PLXDC2: variants seen among roughly 807,000 people sequenced by gnomAD.
The protein encoded by PLXDC2 is plexin domain-containing protein 2.
Under a neutral mutation model 68.9 loss-of-function variants are expected in PLXDC2, and 40 were observed. That is an observed-to-expected ratio of 0.58 (90% CI 0.45 to 0.76). The LOEUF is 0.76. Ranked by LOEUF, PLXDC2 falls within the 30% of genes least tolerant of loss-of-function variation. The pLI is 0.00. For missense variants in PLXDC2, 644 were observed against 661.9 expected (o/e 0.97, Z 0.30); for synonymous variants, 243 against 234.2 (o/e 1.04, Z -0.34).
intron 4 of PLXDC2, among the ~76,000 whole-genome samples, chr10:20,089,943 C>G (rs1239412766): frequency 6.6e-6 from 1 of 152,080 alleles, no homozygotes; most frequent in African/African-American, 2.4e-5. Context: ...GGTTCAAGTC[C>G]TTTTTTTCAG....
chr10:20,218,314 G>A (rs1835166843), intron 11 of PLXDC2, among the ~76,000 whole-genome samples: 1 of 125,486 alleles, frequency 8.0e-6, no homozygotes, highest in African/African-American at 2.5e-5. Context: ...ACTTTCTTTG[G>A]CTTGAATAAA....
At chr10:20,254,618 AT>A (rs994367420) in intron 13 of PLXDC2, among the ~76,000 whole-genome samples, 48 of 152,248 alleles carry the variant, frequency 3.2e-4, no homozygotes, top group Middle Eastern at 3.4e-3. Flanking sequence ...GATGGTATTC[AT>A]TTTTTTATGG....
At chr10:19,926,754 A>G (rs1833543427) in intron 1 of PLXDC2, among the ~76,000 whole-genome samples, 1 of 152,202 alleles carries the variant, frequency 6.6e-6, no homozygotes, top group African/African-American at 2.4e-5. Context: ...ATGAGAAAGC[A>G]CGTAGTTTCA....
chr10:20,186,359 A>G (rs761340135), intron 9 of PLXDC2, among the ~76,000 whole-genome samples: 4 of 152,102 alleles, frequency 2.6e-5, no homozygotes, highest in Non-Finnish European at 4.4e-5. Context: ...ATTGATGACC[A>G]CACTAGCGTA....
At chr10:20,050,537 G>T (rs1835878743) in intron 3 of PLXDC2, among the ~76,000 whole-genome samples, 1 of 151,858 alleles carries the variant, frequency 6.6e-6, no homozygotes, top group African/African-American at 2.4e-5. Flanking sequence ...ATTAAAAAGT[G>T]GGCAAAGACA....
chr10:20,174,673 T>C (rs1009644832), intron 7 of PLXDC2, among the ~76,000 whole-genome samples: 70 of 152,098 alleles, frequency 4.6e-4, no homozygotes, highest in Admixed American at 1.3e-3. Context: ...GGGAAAGCAT[T>C]AGGAGATATA....
chr10:20,088,899 C>A (rs766616023), intron 4 of PLXDC2, among the ~76,000 whole-genome samples: 5 of 152,130 alleles, frequency 3.3e-5, no homozygotes, highest in Non-Finnish European at 7.3e-5. Context: ...ATTAATACTG[C>A]ATATCATTTT....
intron 1 of PLXDC2, among the ~76,000 whole-genome samples, chr10:19,981,928 T>C (rs1834557944): frequency 6.6e-6 from 1 of 152,272 alleles, no homozygotes; most frequent in South Asian, 2.1e-4. Context: ...ACCCTAACCA[T>C]CCAGAAACTC....
chr10:20,191,915 T>C (rs951076649), intron 9 of PLXDC2, among the ~76,000 whole-genome samples: 4 of 152,034 alleles, frequency 2.6e-5, no homozygotes, highest in African/African-American at 4.8e-5. Context: ...ATGCTTAAAA[T>C]ATTTATAATA....
chr10:20,011,476 G>A (rs369785428), intron 2 of PLXDC2, among the ~76,000 whole-genome samples: 3 of 152,166 alleles, frequency 2.0e-5, no homozygotes, highest in Non-Finnish European at 2.9e-5. Context: ...ATCCACCAGC[G>A]CCTAGATTGG....
chr10:20,258,573 G>GGACAAAGT (rs1171056999), intron 13 of PLXDC2, among the ~76,000 whole-genome samples: 1 of 152,034 alleles, frequency 6.6e-6, no homozygotes, highest in Non-Finnish European at 1.5e-5. Context: ...TATTGCTGAT[G>GGACAAAGT]GACAAAGTGT....
intron 1 of PLXDC2, among the ~76,000 whole-genome samples, chr10:19,882,634 A>C (rs1837749406): frequency 6.6e-6 from 1 of 152,124 alleles, no homozygotes; most frequent in African/African-American, 2.4e-5. Flanking sequence ...ATAGTATGAA[A>C]GGTTTCGAGG....
intron 4 of PLXDC2, among the ~76,000 whole-genome samples, chr10:20,088,710 T>G (rs918452990): frequency 6.6e-6 from 1 of 152,180 alleles, no homozygotes; most frequent in African/African-American, 2.4e-5. Context: ...GCTTTGTGTC[T>G]TCTTTTCCTT....
At chr10:19,976,871 T>G (rs1439883060) in intron 1 of PLXDC2, among the ~76,000 whole-genome samples, 1 of 152,052 alleles carries the variant, frequency 6.6e-6, no homozygotes, top group Admixed American at 6.6e-5. Flanking sequence ...TTTCTTCCCC[T>G]TATTTTTTTC....
At chr10:20,080,739 A>G (rs1836539519) in intron 4 of PLXDC2, among the ~76,000 whole-genome samples, 3 of 152,166 alleles carry the variant, frequency 2.0e-5, no homozygotes, top group Admixed American at 2.0e-4. Context: ...CACAGCCAGG[A>G]ACAATACTTT....
chr10:19,992,438 C>A (rs1407041957), intron 1 of PLXDC2, among the ~76,000 whole-genome samples: 1 of 152,156 alleles, frequency 6.6e-6, no homozygotes, highest in Non-Finnish European at 1.5e-5. Flanking sequence ...TGGATTATGG[C>A]TCCTGTGGAA....
In PLXDC2 at chr10:20,217,406, C is replaced by G; in HGVS notation, c.1123-20C>G. 1.9e-6 allele frequency: 3 copies of G among 1,597,174 alleles called. No individual in the cohort carries two copies. The highest frequency in any genetic ancestry group is 2.6e-6 in the Non-Finnish European group (3 of 1,170,904). On this transcript the variant is annotated intron_variant, in intron 10 of 13. Coordinates refer to ENST00000377252, the MANE Select transcript of PLXDC2 (RefSeq NM_032812.9). Reference sequence around the variant, plus strand: ...ATTTGTGATCACTCCATTTGTTTTCCTTTTCTTTTCTCTTACTAGTCAAAA... The same window carrying G: ...ATTTGTGATCACTCCATTTGTTTTCGTTTTCTTTTCTCTTACTAGTCAAAA...
intron 1 of PLXDC2, among the ~76,000 whole-genome samples, chr10:19,887,060 TA>T (rs1434656185): frequency 2.0e-5 from 3 of 152,220 alleles, no homozygotes; most frequent in African/African-American, 7.2e-5. Context: ...CAGGGACACC[TA>T]CAGGTTCCCA....
intron 1 of PLXDC2, among the ~76,000 whole-genome samples, chr10:19,876,119 G>C (rs1446208846): frequency 6.6e-6 from 1 of 152,056 alleles, no homozygotes; most frequent in Admixed American, 6.6e-5. Context: ...TTCAAGTCCT[G>C]TTTACACTAT....
Sources: gnomAD v4.1 joint callset for allele counts (sites outside exome capture counted in the v4.1 genomes callset) on GRCh38, gnomAD v4.1.1 for gene constraint, MANE v1.5 for transcripts, NCBI Gene and HGNC (gene_info 2026-07-23, HGNC 2026-07-21) for gene names.